Variants in ITFG1 observed in about 807,000 individuals in gnomAD.
ITFG1 encodes the protein integrin alpha FG-GAP repeat containing 1.
Under a neutral mutation model 81.8 loss-of-function variants are expected in ITFG1, and 34 were observed. The ratio of observed to expected loss-of-function variants is 0.42; its 90% CI spans 0.32 to 0.55. ITFG1 has a LOEUF of 0.55. Among genes scored for constraint, ITFG1 ranks in the 20% least tolerant of loss-of-function variants. The pLI is 0.17. For missense variants in ITFG1, 672 were observed against 755.4 expected (o/e 0.89, Z 1.29); for synonymous variants, 285 against 270.6 (o/e 1.05, Z -0.52).
chr16:47,310,998 G>C (rs1328527613), intron 10 of ITFG1, among the ~76,000 whole-genome samples: 1 of 150,404 alleles, frequency 6.6e-6, no homozygotes, highest in African/African-American at 2.4e-5. Context: ...AAATATAACT[G>C]TTTGCTTTAG....
At position 47,423,236 on chromosome 16, in the gene ITFG1, G is replaced by A. The variant is rs1356617810; in HGVS notation, c.655+5568C>T. 2.7e-5 allele frequency among the ~76,000 whole-genome samples: 4 copies of A among 150,638 alleles called. No individual in the cohort carries two copies. In the East Asian group the frequency reaches 7.8e-4, roughly 29 times the overall value. On this transcript the variant is annotated intron_variant, in intron 6 of 17. Transcript: ENST00000320640. ...TTAAAGTCTGTTTTATCAGAGACCA[G>A]GACTGCAATCCCTGATTTTTTTTTT...
At chr16:47,181,421 C>A (rs1965116380) in intron 14 of ITFG1, among the ~76,000 whole-genome samples, 1 of 147,510 alleles carries the variant, frequency 6.8e-6, no homozygotes, top group Admixed American at 6.7e-5. Context: ...GCCCCCCCGC[C>A]CGGCCAGCCG....
intron 14 of ITFG1, among the ~76,000 whole-genome samples, chr16:47,188,842 G>A (rs1345720584): frequency 6.6e-6 from 1 of 152,072 alleles, no homozygotes; most frequent in African/African-American, 2.4e-5. Context: ...TTGGCTCACT[G>A]CAACCTCCAC....
At chr16:47,225,646 T>A (rs1965747789) in intron 13 of ITFG1, among the ~76,000 whole-genome samples, 1 of 152,120 alleles carries the variant, frequency 6.6e-6, no homozygotes, top group South Asian at 2.1e-4. Flanking sequence ...GGATGATAAA[T>A]TCAAAGTGTT....
intron 14 of ITFG1, among the ~76,000 whole-genome samples, chr16:47,183,027 G>A (rs953005254): frequency 6.6e-6 from 1 of 152,170 alleles, no homozygotes; most frequent in African/African-American, 2.4e-5. Flanking sequence ...CTGGAAAATC[G>A]GGTCACTCCC....
At chr16:47,225,622 G>A (rs886867791) in intron 13 of ITFG1, among the ~76,000 whole-genome samples, 1 of 152,142 alleles carries the variant, frequency 6.6e-6, no homozygotes, top group African/African-American at 2.4e-5. Context: ...AACCCAGGAG[G>A]CTAGAAGGCA....
chr16:47,355,341 T>A (rs1027922122), intron 8 of ITFG1, among the ~76,000 whole-genome samples: 2 of 152,006 alleles, frequency 1.3e-5, no homozygotes, highest in Non-Finnish European at 1.5e-5. Flanking sequence ...CTAAAATAAG[T>A]AGATCTCATA....
At chr16:47,233,129 G>T (rs940170441) in intron 13 of ITFG1, among the ~76,000 whole-genome samples, 2 of 152,122 alleles carry the variant, frequency 1.3e-5, no homozygotes, top group Non-Finnish European at 2.9e-5. Flanking sequence ...TCCAGTTTCT[G>T]GTCTGAATGT....
At chr16:47,350,550 T>G (rs999016205) in intron 8 of ITFG1, among the ~76,000 whole-genome samples, 2 of 152,048 alleles carry the variant, frequency 1.3e-5, no homozygotes, top group East Asian at 1.9e-4. Flanking sequence ...AATAACAGGC[T>G]CTGAAATTGA....
chr16:47,323,011 T>C (rs1967471458), intron 8 of ITFG1, among the ~76,000 whole-genome samples: 1 of 152,148 alleles, frequency 6.6e-6, no homozygotes. Flanking sequence ...CCCAAATAAT[T>C]GCCAGGCTTC....
chr16:47,452,836 T>C, intron 3 of ITFG1, 46 bp from the exon 4 acceptor site: 1 of 984,498 alleles, frequency 1.0e-6, no homozygotes, highest in Non-Finnish European at 1.5e-6. Flanking sequence ...GCATTTTATA[T>C]TACTTTTGAT....
chr16:47,246,417 T>G (rs1405865874), intron 12 of ITFG1, among the ~76,000 whole-genome samples: 1 of 152,208 alleles, frequency 6.6e-6, no homozygotes, highest in Non-Finnish European at 1.5e-5. Flanking sequence ...AAATAGAGTA[T>G]GCATTTCCTT....
chr16:47,291,190 G>A (rs1367832775), intron 10 of ITFG1, among the ~76,000 whole-genome samples: 2 of 151,908 alleles, frequency 1.3e-5, no homozygotes, highest in East Asian at 1.9e-4. Flanking sequence ...ATTCTCGGTC[G>A]TATCATGTAA....
intron 10 of ITFG1, among the ~76,000 whole-genome samples, chr16:47,273,742 T>C (rs1966367638): frequency 6.6e-6 from 1 of 152,192 alleles, no homozygotes; most frequent in Admixed American, 6.5e-5. Flanking sequence ...GAAAATATTT[T>C]GTCATGTTTT....
chr16:47,386,217 G>C (rs967170756), intron 6 of ITFG1, among the ~76,000 whole-genome samples: 6 of 152,140 alleles, frequency 3.9e-5, no homozygotes, highest in African/African-American at 1.4e-4. Flanking sequence ...ATTGTTCTGA[G>C]AGCATATAAC....
intron 9 of ITFG1, chr16:47,312,387 T>C (rs1967279382): frequency 1.3e-5 from 2 of 152,162 alleles, no homozygotes; most frequent in African/African-American, 4.8e-5. Context: ...ATATTAAAGA[T>C]GGTTTCTTGA....
chr16:47,433,537 G>A (rs1353872430), intron 5 of ITFG1, among the ~76,000 whole-genome samples: 1 of 151,932 alleles, frequency 6.6e-6, no homozygotes, highest in Non-Finnish European at 1.5e-5. Context: ...TTGCAATCTT[G>A]CCATTTTGAA....
At chr16:47,289,682 T>A (rs1966885881) in intron 10 of ITFG1, among the ~76,000 whole-genome samples, 1 of 152,170 alleles carries the variant, frequency 6.6e-6, no homozygotes, top group Non-Finnish European at 1.5e-5. Flanking sequence ...TTCTGTGATA[T>A]CAATTTTAAT....
chr16:47,409,405 T>TATATATATATATA (rs60029204), intron 6 of ITFG1, among the ~76,000 whole-genome samples: 39 of 8,010 alleles, frequency 4.9e-3, no homozygotes, highest in South Asian at 0.017. Flanking sequence ...TATATATATA[T>TATATATATATATA]TTTTTTTTTT....
Sources: gnomAD v4.1 joint callset for allele counts (sites outside exome capture counted in the v4.1 genomes callset) on GRCh38, gnomAD v4.1.1 for gene constraint, MANE v1.5 for transcripts, NCBI Gene and HGNC (gene_info 2026-07-23, HGNC 2026-07-21) for gene names.